Variants in ANO7 observed in about 807,000 individuals in gnomAD.
ANO7 encodes anoctamin-7.
A neutral mutation model predicts 115.8 loss-of-function variants in ANO7; 114 were observed. The ratio of observed to expected loss-of-function variants is 0.98; its 90% CI spans 0.85 to 1.15. The LOEUF (loss-of-function observed/expected upper bound fraction) is 1.15, where lower values mean the gene tolerates loss of function less well. Ranked by LOEUF, ANO7 falls within the 50% of genes most tolerant of loss-of-function variation. The pLI is 0.00. For synonymous variants in ANO7, 550 were observed against 498.2 expected, an observed-to-expected ratio of 1.10 and a Z score of -1.38; for missense variants, 1,302 against 1,201.2, an observed-to-expected ratio of 1.08 and a Z score of -1.24.
downstream of ANO7, among the ~76,000 whole-genome samples, chr2:241,226,261 G>A (rs1038623582): frequency 2.0e-5 from 3 of 152,086 alleles, no homozygotes; most frequent in East Asian, 1.9e-4. Flanking sequence ...GGCGTCTGCC[G>A]TGGGACATTG....
chr2:241,236,945 C>T, the ANO7 span, among the ~76,000 whole-genome samples: 1 of 149,158 alleles, frequency 6.7e-6, no homozygotes, highest in Non-Finnish European at 1.5e-5. Flanking sequence ...TAGGACGTCC[C>T]CACAGCAGCC....
intron 21 of ANO7, among the ~76,000 whole-genome samples, chr2:241,219,720 A>G (rs967987793): frequency 7.9e-5 from 11 of 138,974 alleles, no homozygotes; most frequent in African/African-American, 2.7e-4. Context: ...GGCGTGTGCC[A>G]CCAGGCCTGG....
intron 10 of ANO7, among the ~76,000 whole-genome samples, chr2:241,205,575 G>A (rs1164975842): frequency 3.8e-5 from 5 of 131,034 alleles, no homozygotes; most frequent in African/African-American, 8.9e-5. Context: ...CAGTCTGACA[G>A]GTGGACAGGA....
At chr2:241,199,530 C>T in intron 5 of ANO7, 107 bp downstream of exon 5, 1 of 1,110,046 alleles carries the variant, frequency 9.0e-7, no homozygotes, top group Non-Finnish European at 1.3e-6. Flanking sequence ...GCTCAGAGGC[C>T]TCAGGGGCTC....
intron 22 of ANO7, 117 bp from the exon 23 acceptor site, chr2:241,223,545 A>G: frequency 1.3e-6 from 2 of 1,488,098 alleles, no homozygotes; most frequent in Non-Finnish European, 1.8e-6. Context: ...TTTCCTGCAC[A>G]GCTGCTTTCT....
At chr2:241,237,206 C>G in the ANO7 span, among the ~76,000 whole-genome samples, 1 of 152,142 alleles carries the variant, frequency 6.6e-6, no homozygotes, top group Non-Finnish European at 1.5e-5. Context: ...CAGCCCCACC[C>G]AGGAGAGGCA....
rs560127417 is a variant in ANO7, at chr2:241,224,219, T to G, written c.*66T>G. On this transcript the variant is annotated 3_prime_UTR_variant, in exon 25 of 25. Transcript: ENST00000674324. ...CTCCTGAGCCCTGCGAGCAGCGTCC[T>G]TTTCCTCTTCCCTCAGGCAGCGGCT... is the stretch of plus-strand genomic sequence containing the variant. The G allele has an allele frequency of 5.0e-5, 78 of 1,558,170 alleles. No homozygotes were observed. The East Asian group carries it at 1.5e-3, about 29-fold the overall frequency.
chr2:241,212,178 C>T lies in ANO7; in HGVS notation c.1646C>T (p.Pro549Leu). 1.2e-6 allele frequency: 2 copies of T among 1,614,152 alleles called. No individual in the cohort carries two copies. Among genetic ancestry groups the T allele is most frequent in the Non-Finnish European group, 1.7e-6 (2 of 1,180,000 alleles). The part of the protein sequence containing the change: ...IFQFVNFYSS[P>L]VYIAFFKGRF... ...CAGTTCGTCAACTTCTACTCCTCAC[C>T]CGTCTACATTGCCTTCTTCAAGGGC... The change falls in exon 16 of 25, where the codon CCC becomes CTC. Residue 549 changes from proline (P) to leucine (L), a missense_variant. By Grantham distance (98) the Pro-to-Leu change is moderately conservative. Coordinates refer to ENST00000674324, the MANE Select transcript of ANO7 (RefSeq NM_001370694.2).
In ANO7 at chr2:241,217,751, C is replaced by G. The variant is rs961183595; in HGVS notation, c.2038C>G (p.Leu680Val). The change falls in exon 20 of 25, where the codon CTC becomes GTC. Residue 680 changes from leucine to valine, a missense_variant. By Grantham distance (32) the Leu-to-Val change is conservative (BLOSUM62 1). Transcript: ENST00000674324. ...TCCGCTCGCGCCGCTCTTCGCCCTG[C>G]TCAACAACTGGGTGGAGATCCGCTT... The part of the protein sequence containing the change: ...ACPLAPLFAL[L>V]NNWVEIRLDA... 10 of 1,607,484 alleles carry G rather than the reference C, an allele frequency of 6.2e-6. No homozygotes were observed. Among genetic ancestry groups the G allele is most frequent in the Non-Finnish European group, 8.5e-6 (10 of 1,177,644 alleles).
the ANO7 span, among the ~76,000 whole-genome samples, chr2:241,236,978 G>GGC: frequency 1.5e-4 from 1 of 6,636 alleles, no homozygotes; most frequent in African/African-American, 5.0e-4. Context: ...CCCAGACCTT[G>GGC]GGGGGGGGGG....
intron 17 of ANO7, among the ~76,000 whole-genome samples, chr2:241,213,438 C>T (rs1345319390): frequency 1.3e-5 from 2 of 152,210 alleles, no homozygotes; most frequent in African/African-American, 2.4e-5. Context: ...GGAAGTTCAC[C>T]TGGTGGAGGA....
the ANO7 span, among the ~76,000 whole-genome samples, chr2:241,232,699 A>C: frequency 6.6e-6 from 1 of 152,254 alleles, no homozygotes; most frequent in South Asian, 2.1e-4. Context: ...CTGTAGTCCC[A>C]GCTACTTGGG....
intron 19 of ANO7, 111 bp from the exon 20 acceptor site, chr2:241,217,575 C>T (rs2068862306): frequency 1.6e-6 from 2 of 1,258,202 alleles, no homozygotes; most frequent in Non-Finnish European, 1.1e-6. Context: ...CGGAATGAGC[C>T]GCGATGGGGT....
chr2:241,226,915 C>T (rs1416629162), downstream of ANO7, among the ~76,000 whole-genome samples: 2 of 152,214 alleles, frequency 1.3e-5, no homozygotes, highest in East Asian at 1.9e-4. Context: ...CCGCACCCCC[C>T]ACCACCCAAC....
chr2:241,231,113 G>A, the ANO7 span: 16 of 613,670 alleles, frequency 2.6e-5, no homozygotes, highest in South Asian at 5.9e-5. Context: ...GGCCGGGCAC[G>A]GTGGCTCACG....
intron 18 of ANO7, 57 bp downstream of exon 18, chr2:241,214,959 C>G: frequency 6.7e-7 from 1 of 1,499,760 alleles, no homozygotes; most frequent in Non-Finnish European, 9.1e-7. Flanking sequence ...CCCAGAGCAC[C>G]TGGCAGTAGC....
rs753175781 is a variant in ANO7 at position 241,190,121 on chromosome 2, C to T, written c.58C>T (p.Pro20Ser). Residue 20 changes from proline to serine, a missense_variant, in exon 2 of 25, where the codon CCT (proline) becomes TCT (serine). Coordinates refer to ENST00000674324, the MANE Select transcript of ANO7 (RefSeq NM_001370694.2). ...DSTVLIDVSPPEAEKRGSYGS... is the reference protein window; with the variant it reads ...DSTVLIDVSPSEAEKRGSYGS... ...CACCGTCCTGATCGATGTGAGCCCC[C>T]CTGAGGCAGAGAAGAGGGGCTCTTA... The T allele has an allele frequency of 1.2e-5, 19 of 1,580,674 alleles. No homozygotes were observed. The Middle Eastern group carries it at 5.0e-4, about 41-fold the overall frequency.
At chr2:241,226,761 T>C (rs1384122983), downstream of ANO7, among the ~76,000 whole-genome samples, 2 of 152,216 alleles carry the variant, frequency 1.3e-5, no homozygotes, top group East Asian at 3.8e-4. Flanking sequence ...CATACCCGTC[T>C]TCCCAGGTGG....
chr2:241,223,306 C>A, intron 22 of ANO7, 30 bp downstream of exon 22: 1 of 1,612,344 alleles, frequency 6.2e-7, no homozygotes, highest in Non-Finnish European at 8.5e-7. Flanking sequence ...GTTCTCCCAT[C>A]CATGGCATGA....
Sources: allele counts gnomAD v4.1 joint callset (sites outside exome capture counted in the v4.1 genomes callset), GRCh38; gene constraint gnomAD v4.1.1; transcripts MANE v1.5; gene names NCBI Gene and HGNC (gene_info 2026-07-23, HGNC 2026-07-21).